MANEA: variants seen among roughly 807,000 people sequenced by gnomAD.
The protein encoded by MANEA is mannosidase endo-alpha.
Under a neutral mutation model 36.8 loss-of-function variants are expected in MANEA, and 25 were observed. The ratio of observed to expected loss-of-function variants is 0.68; its 90% confidence interval spans 0.50 to 0.95. The LOEUF is 0.95. Among genes scored for constraint, MANEA ranks in the 40% least tolerant of loss-of-function variants. The pLI is 0.00. For synonymous variants in MANEA, 198 were observed against 188.5 expected (o/e 1.05, Z -0.41); for missense variants, 565 against 558.8 (o/e 1.01, Z -0.11).
At chr6:95,581,348 G>A (rs1402639595) in intron 1 of MANEA, among the ~76,000 whole-genome samples, 6 of 152,078 alleles carry the variant, frequency 3.9e-5, no homozygotes, top group Admixed American at 3.9e-4. Flanking sequence ...ATGAAGTAAT[G>A]TAAAATGAGA....
rs1243460577 is a variant in MANEA at position 95,608,640 on chromosome 6, T to C, written c.*2235T>C. On this transcript the variant is annotated 3_prime_UTR_variant, in exon 5 of 5. Coordinates refer to ENST00000358812, the MANE Select transcript of MANEA (RefSeq NM_024641.4). ...TCATAATTACTAGTTTATATTAATA[T>C]AGTTTTTTTCTCCCTTTTTAATAAA... is the stretch of plus-strand genomic sequence containing the variant. The C allele has an allele frequency of 6.6e-6, 1 of 151,822 alleles. No homozygotes were observed. Among genetic ancestry groups the C allele is most frequent in the Non-Finnish European group, 1.5e-5 (1 of 67,744 alleles). 9.4% of individuals were successfully genotyped at this position (151,822 alleles called of 1,614,324 possible).
intron 1 of MANEA, among the ~76,000 whole-genome samples, 165 bp from the exon 2 acceptor site, chr6:95,586,236 TG>T (rs1466810160): frequency 2.0e-5 from 3 of 152,230 alleles, no homozygotes; most frequent in Non-Finnish European, 4.4e-5. Flanking sequence ...CATTTATATA[TG>T]ATGATATAAT....
intron 1 of MANEA, among the ~76,000 whole-genome samples, chr6:95,584,874 C>T (rs146082175): frequency 0.015 from 2,339 of 152,254 alleles, 57 homozygotes; most frequent in African/African-American, 0.053. Flanking sequence ...TAGAAAGAAC[C>T]TACGTTGAAA....
intron 3 of MANEA, among the ~76,000 whole-genome samples, chr6:95,598,211 TACTC>T (rs1388049639): frequency 5.3e-5 from 8 of 152,184 alleles, no homozygotes; most frequent in African/African-American, 1.7e-4. Context: ...GTGTCAAGTA[TACTC>T]ACTATCTATT....
intron 3 of MANEA, 144 bp from the exon 4 acceptor site, chr6:95,604,683 A>G: frequency 2.4e-6 from 1 of 419,418 alleles, no homozygotes; most frequent in South Asian, 5.8e-5. Flanking sequence ...ATTGGTAAAA[A>G]TTCTCTGGTA....
At position 95,608,067 on chromosome 6, in the gene MANEA, A is replaced by G. The variant is rs1769750075; in HGVS notation, c.*1662A>G. ...TGATCAGGCCTTAGGAAATTAATAC[A>G]GTAGTAGTAATCATTTTCTAGGGGA... On this transcript the variant is annotated 3_prime_UTR_variant, in exon 5 of 5. Transcript: ENST00000358812. 6.6e-6 allele frequency: 1 copy of G among 151,868 alleles called. No individual in the cohort carries two copies. The highest frequency in any genetic ancestry group is 2.4e-5 in the African/African-American group (1 of 41,422). 9.4% of individuals were successfully genotyped at this position (151,868 alleles called of 1,614,324 possible).
intron 3 of MANEA, among the ~76,000 whole-genome samples, chr6:95,603,621 T>G: frequency 6.6e-6 from 1 of 152,116 alleles, no homozygotes; most frequent in Non-Finnish European, 1.5e-5. Context: ...AAATACATTT[T>G]GCTTTAATTG....
chr6:95,609,256 C>G lies in MANEA; in HGVS notation c.*2851C>G, dbSNP rs1769776702. ...TATTAATTTTTATGGTTTAATCAGT[C>G]TAATTGTTTTGACTGTTATAGAAAC... On this transcript the variant is annotated 3_prime_UTR_variant, in exon 5 of 5. Coordinates refer to ENST00000358812, the MANE Select transcript of MANEA (RefSeq NM_024641.4). 1 of 151,594 alleles carries G rather than the reference C, an allele frequency of 6.6e-6. No individual in the cohort carries two copies. The highest frequency in any genetic ancestry group is 2.4e-5 in the African/African-American group (1 of 41,374). 9.4% of individuals were successfully genotyped at this position (151,594 alleles called of 1,614,324 possible).
intron 2 of MANEA, among the ~76,000 whole-genome samples, chr6:95,596,449 AG>A (rs1430178393): frequency 6.6e-6 from 1 of 152,132 alleles, no homozygotes; most frequent in Non-Finnish European, 1.5e-5. Flanking sequence ...TAGGAGGAAG[AG>A]TATATGAGAA....
Position 95,606,420 on chromosome 6 carries a change from T to G in MANEA, c.*15T>G, listed in dbSNP as rs1178551315. On this transcript the variant is annotated 3_prime_UTR_variant, in exon 5 of 5. Transcript: ENST00000358812. ...CTGTTTCTTAATGCATTGATTAAAG[T>G]TTAATAGTTATCAAAATCACCTAAT... is the stretch of plus-strand genomic sequence containing the variant. 3 of 1,534,396 alleles carry G rather than the reference T, an allele frequency of 2.0e-6. No homozygotes were observed. Among genetic ancestry groups the G allele is most frequent in the Non-Finnish European group, 2.6e-6 (3 of 1,148,834 alleles).
chr6:95,603,496 AACTT>A (rs1582230702), intron 3 of MANEA, among the ~76,000 whole-genome samples: 3 of 152,132 alleles, frequency 2.0e-5, no homozygotes, highest in East Asian at 1.9e-4. Context: ...TTATGACAGA[AACTT>A]ACTTTTATAA....
At chr6:95,604,415 A>G (rs1769662883) in intron 3 of MANEA, among the ~76,000 whole-genome samples, 1 of 151,954 alleles carries the variant, frequency 6.6e-6, no homozygotes, top group South Asian at 2.1e-4. Flanking sequence ...ATGGGATACA[A>G]ATATGTAAGA....
intron 2 of MANEA, 72 bp from the exon 3 acceptor site, chr6:95,596,662 ACTT>A: frequency 1.3e-6 from 1 of 781,054 alleles, no homozygotes. Flanking sequence ...ACTCTTTGGT[ACTT>A]ACTGTGCCTT....
intron 1 of MANEA, among the ~76,000 whole-genome samples, chr6:95,583,248 C>G (rs1288497793): frequency 6.6e-6 from 1 of 151,872 alleles, no homozygotes; most frequent in Non-Finnish European, 1.5e-5. Context: ...GTTAGGATAC[C>G]AGGTAAAGTG....
chr6:95,604,016 C>CATAT (rs533005411), intron 3 of MANEA, among the ~76,000 whole-genome samples: 2 of 139,384 alleles, frequency 1.4e-5, no homozygotes, highest in African/African-American at 5.3e-5. Context: ...TCTATGTTTA[C>CATAT]ATATATATAT....
rs1562202385 is a variant in MANEA at position 95,607,042 on chromosome 6, A to G, written c.*637A>G. 6.6e-6 allele frequency: 1 copy of G among 152,096 alleles called. No individual in the cohort carries two copies. The highest frequency in any genetic ancestry group is 1.5e-5 in the Non-Finnish European group (1 of 68,006). The allele number at this position is 152,096 out of a possible 1,614,324, so 9.4% of individuals were successfully genotyped here. On this transcript the variant is annotated 3_prime_UTR_variant, in exon 5 of 5. Transcript: ENST00000358812. ...ATTACATAAATTAAACCTTACCATGACCAAATTGTGTTAGGACGGCCTGCT... is the reference window on the plus strand; with the variant it reads ...ATTACATAAATTAAACCTTACCATGGCCAAATTGTGTTAGGACGGCCTGCT...
At chr6:95,587,566 C>T (rs1244704616) in intron 2 of MANEA, among the ~76,000 whole-genome samples, 1 of 152,092 alleles carries the variant, frequency 6.6e-6, no homozygotes, top group Non-Finnish European at 1.5e-5. Flanking sequence ...TTTTGCTCAG[C>T]ACAATATTTT....
rs1028424537 is a variant in MANEA at position 95,586,939 on chromosome 6, C to T, written c.500C>T (p.Ser167Phe). 5 of 1,612,448 alleles carry T rather than the reference C, an allele frequency of 3.1e-6. No individual in the cohort carries two copies. In the South Asian group the frequency reaches 5.5e-5, roughly 18 times the overall value. Residue 167 changes from serine (S) to phenylalanine (F), a missense_variant, in exon 2 of 5, where the codon TCT (serine) becomes TTT (phenylalanine). Transcript: ENST00000358812. Reference sequence around the variant, plus strand: ...GGAAGTTACAGTTCTCGGGATCCTTCTGTCATAGAAACTCACATGAGACAA... The same window carrying T: ...GGAAGTTACAGTTCTCGGGATCCTTTTGTCATAGAAACTCACATGAGACAA... ...ELGSYSSRDPSVIETHMRQMR... is the reference protein window; with the variant it reads ...ELGSYSSRDPFVIETHMRQMR...
chr6:95,599,503 T>C (rs1016943439), intron 3 of MANEA, among the ~76,000 whole-genome samples: 2 of 152,178 alleles, frequency 1.3e-5, no homozygotes, highest in African/African-American at 4.8e-5. Flanking sequence ...TGAAGCTTTT[T>C]ATTTGCTCTG....
Sources: gnomAD v4.1 joint callset for allele counts (sites outside exome capture counted in the v4.1 genomes callset) on GRCh38, gnomAD v4.1.1 for gene constraint, MANE v1.5 for transcripts, NCBI Gene and HGNC (gene_info 2026-07-23, HGNC 2026-07-21) for gene names.